PRKG1: variants seen among roughly 807,000 people sequenced by gnomAD.
PRKG1 encodes the protein protein kinase cGMP-dependent 1.
PRKG1 carries 35 observed loss-of-function variants against 88.1 expected under a neutral mutation model. The ratio of observed to expected loss-of-function variants is 0.40; its 90% confidence interval spans 0.30 to 0.53. The LOEUF is 0.53. PRKG1 is among the 20% of genes least tolerant of loss of function. The probability of loss-of-function intolerance (pLI) is 0.59; values close to 1 mark genes in which losing one functional copy is unlikely to be tolerated. For missense variants in PRKG1, 540 were observed against 839.8 expected (o/e 0.64, Z 4.41); for synonymous variants, 303 against 292.5 (o/e 1.04, Z -0.37).
intron 12 of PRKG1, among the ~76,000 whole-genome samples, chr10:52,273,806 T>A (rs576538560): frequency 2.0e-5 from 3 of 152,258 alleles, no homozygotes; most frequent in Admixed American, 2.0e-4. Context: ...TATTGCTAGT[T>A]AATATGTACA....
intron 2 of PRKG1, among the ~76,000 whole-genome samples, chr10:51,399,515 A>G (rs778868279): frequency 7.9e-5 from 12 of 152,224 alleles, no homozygotes; most frequent in Non-Finnish European, 1.5e-4. Flanking sequence ...TCTTTCCGGT[A>G]TCTGAACCCC....
intron 2 of PRKG1, among the ~76,000 whole-genome samples, chr10:51,257,912 C>T (rs1450754358): frequency 6.6e-6 from 1 of 152,008 alleles, no homozygotes; most frequent in Non-Finnish European, 1.5e-5. Flanking sequence ...GTTCTTTTGC[C>T]AAAAGAGAGG....
At chr10:51,885,783 C>T (rs1345208401) in intron 4 of PRKG1, among the ~76,000 whole-genome samples, 1 of 152,138 alleles carries the variant, frequency 6.6e-6, no homozygotes, top group African/African-American at 2.4e-5. Flanking sequence ...CCTTTCCTGA[C>T]TTCTCCTTCC....
intron 3 of PRKG1, among the ~76,000 whole-genome samples, chr10:51,700,023 G>T (rs1013742133): frequency 9.2e-5 from 14 of 152,248 alleles, no homozygotes; most frequent in Non-Finnish European, 1.8e-4. Context: ...TTTTCATGTG[G>T]CCTTTTATTA....
At chr10:51,292,300 A>G (rs1840602784) in intron 2 of PRKG1, among the ~76,000 whole-genome samples, 1 of 152,158 alleles carries the variant, frequency 6.6e-6, no homozygotes, top group South Asian at 2.1e-4. Flanking sequence ...CTCACTCTGC[A>G]TAACCTCAAG....
In PRKG1 at chr10:51,651,645, G is replaced by A. The variant is rs149825522; in HGVS notation, c.593-152940G>A. ...TGTCACCAGGCTGGAGTACAGTGGC[G>A]CCATCCTGGCTCACTGCAACCTCTG... On this transcript the variant is annotated intron_variant, in intron 3 of 17. Coordinates refer to ENST00000373980, the MANE Select transcript of PRKG1 (RefSeq NM_006258.4). Among the ~76,000 whole-genome samples, 992 of 150,446 alleles carry A rather than the reference G, an allele frequency of 6.6e-3. 3 individuals carry two copies. The highest frequency in any genetic ancestry group is 9.5e-3 in the Non-Finnish European group (642 of 67,712).
chr10:51,291,131 C>G (rs1840572379), intron 2 of PRKG1, among the ~76,000 whole-genome samples: 1 of 152,172 alleles, frequency 6.6e-6, no homozygotes, highest in Admixed American at 6.5e-5. Context: ...AATGACTCTT[C>G]TCTTCCAAAA....
chr10:51,942,807 T>A (rs560076758), intron 5 of PRKG1, among the ~76,000 whole-genome samples: 2 of 151,396 alleles, frequency 1.3e-5, no homozygotes, highest in South Asian at 4.2e-4. Flanking sequence ...GTTCCATTGA[T>A]CTATATCTCT....
chr10:51,737,008 A>G (rs1183386528), intron 3 of PRKG1, among the ~76,000 whole-genome samples: 2 of 152,148 alleles, frequency 1.3e-5, no homozygotes, highest in African/African-American at 4.8e-5. Flanking sequence ...TCAATACTTC[A>G]GCTTACATAT....
chr10:51,381,963 G>C (rs746193769), intron 2 of PRKG1, among the ~76,000 whole-genome samples: 23 of 152,136 alleles, frequency 1.5e-4, no homozygotes, highest in Non-Finnish European at 2.9e-4. Flanking sequence ...CAGAAATAAA[G>C]CATATGGTCA....
At position 51,032,285 on chromosome 10, in the gene PRKG1, C is replaced by T. The variant is rs140775072; in HGVS notation, c.266+40641C>T. On this transcript the variant is annotated intron_variant, in intron 1 of 17. Coordinates refer to the PRKG1 transcript ENST00000401604. ...TGGTATTTAGTATTGACAGTCTCAGCTCTACTTCTCCAATTTTAACCCCCA... is the reference window on the plus strand; with the variant it reads ...TGGTATTTAGTATTGACAGTCTCAGTTCTACTTCTCCAATTTTAACCCCCA... 9.6e-3 allele frequency among the ~76,000 whole-genome samples: 1,462 copies of T among 152,172 alleles called. 14 individuals are homozygous for T. The highest frequency in any genetic ancestry group is 0.014 in the Middle Eastern group (4 of 294).
At chr10:52,111,362 T>A (rs974407231) in intron 7 of PRKG1, among the ~76,000 whole-genome samples, 2 of 152,266 alleles carry the variant, frequency 1.3e-5, no homozygotes, top group African/African-American at 4.8e-5. Context: ...TTAACAATTT[T>A]GCTCCATTGG....
intron 2 of PRKG1, among the ~76,000 whole-genome samples, chr10:51,194,780 G>A (rs1483374222): frequency 6.6e-6 from 1 of 152,092 alleles, no homozygotes; most frequent in Non-Finnish European, 1.5e-5. Context: ...CGAGGGCCCA[G>A]CATCTTGCAA....
chr10:51,179,188 A>G (rs935715458), intron 2 of PRKG1, among the ~76,000 whole-genome samples: 1 of 152,244 alleles, frequency 6.6e-6, no homozygotes, highest in East Asian at 1.9e-4. Flanking sequence ...GGCTACTATT[A>G]TCAAGAAATA....
At chr10:51,126,620 TA>T (rs1845429863) in intron 1 of PRKG1, among the ~76,000 whole-genome samples, 1 of 151,666 alleles carries the variant, frequency 6.6e-6, no homozygotes, top group Non-Finnish European at 1.5e-5. Context: ...AAACATACTT[TA>T]AATTTCATTT....
chr10:51,125,361 TA>T (rs1845369327), intron 1 of PRKG1, among the ~76,000 whole-genome samples: 1 of 150,874 alleles, frequency 6.6e-6, no homozygotes, highest in African/African-American at 2.4e-5. Context: ...TAAATTTATT[TA>T]AAAAATTATA....
At chr10:52,003,246 C>G (rs1187263340) in intron 5 of PRKG1, among the ~76,000 whole-genome samples, 1 of 152,200 alleles carries the variant, frequency 6.6e-6, no homozygotes, top group East Asian at 1.9e-4. Flanking sequence ...TGTTGAAATA[C>G]AGTTTCCTCA....
chr10:52,217,695 T>C (rs955119411), intron 9 of PRKG1, among the ~76,000 whole-genome samples: 1 of 152,158 alleles, frequency 6.6e-6, no homozygotes, highest in Non-Finnish European at 1.5e-5. Flanking sequence ...ACAAGTTTCA[T>C]TGGTGGCTTG....
At position 52,096,837 on chromosome 10, in the gene PRKG1, T is replaced by C. The variant is rs116332889; in HGVS notation, c.935+34206T>C. Among the ~76,000 whole-genome samples, 292 of 152,258 alleles carry C rather than the reference T, an allele frequency of 1.9e-3. 1 individual carries two copies. Among genetic ancestry groups the C allele is most frequent in the African/African-American group, 6.0e-3 (251 of 41,554 alleles). On this transcript the variant is annotated intron_variant, in intron 7 of 17. Transcript: ENST00000373980. ...ATTATTTAATACCTAGGAAGGCAAA[T>C]TGGATTTATTATGGATTCTACTACA...
Sources: allele counts gnomAD v4.1 joint callset (sites outside exome capture counted in the v4.1 genomes callset), GRCh38; gene constraint gnomAD v4.1.1; transcripts MANE v1.5; gene names NCBI Gene and HGNC (gene_info 2026-07-23, HGNC 2026-07-21).